IL18BP: variants seen among roughly 807,000 people sequenced by gnomAD.
IL18BP encodes the protein interleukin 18 binding protein.
A neutral mutation model predicts 19.9 loss-of-function variants in IL18BP; 23 were observed. The observed-to-expected ratio is 1.15, with a 90% CI of 0.83 to 1.64. IL18BP has a LOEUF of 1.64. Ranked by LOEUF, IL18BP falls within the 40% of genes most tolerant of loss-of-function variation. The probability of loss-of-function intolerance (pLI) is 0.00; values close to 1 mark genes in which losing one functional copy is unlikely to be tolerated. For missense variants in IL18BP, 239 were observed against 240.7 expected (o/e 0.99, Z 0.05); for synonymous variants, 107 against 101.0 (o/e 1.06, Z -0.35).
Position 72,002,479 on chromosome 11 carries a change from G to GTT in IL18BP, c.*619_*620insTT, listed in dbSNP as rs1027420996. ...GCAGCAGCTGCTTCGGATCCACACT[G>GTT]TATCTGTGTCATCCCCACATGGGTC... On this transcript the variant is annotated 3_prime_UTR_variant, in exon 6 of 6. Coordinates refer to ENST00000393703, the MANE Select transcript of IL18BP (RefSeq NM_001039660.2). The GTT allele has an allele frequency of 6.5e-6, 1 of 154,820 alleles. No homozygotes were observed. Among genetic ancestry groups the GTT allele is most frequent in the South Asian group, 2.0e-4 (1 of 5,016 alleles). The allele number at this position is 154,820 out of a possible 1,614,324, so 9.6% of individuals were successfully genotyped here. A position where few individuals can be genotyped will look rare whatever the true frequency, so the allele number is the denominator to read the frequency against.
chr11:72,004,092 C>T (rs201385605), downstream of IL18BP: 303 of 1,613,214 alleles, frequency 1.9e-4, 2 homozygotes, highest in Non-Finnish European at 1.4e-4. Flanking sequence ...CGACTGGCGC[C>T]GGTCAGCCTG....
chr11:72,003,488 T>A, downstream of IL18BP: 1 of 1,608,538 alleles, frequency 6.2e-7, no homozygotes, highest in African/African-American at 1.3e-5. Flanking sequence ...GAGGTCAGCA[T>A]CGGGGACACA....
In IL18BP at chr11:72,002,659, C is replaced by CGCTT. The variant is rs1294338653; in HGVS notation, c.*800_*803dup. The CGCTT allele has an allele frequency of 6.0e-6, 1 of 167,460 alleles. No individual in the cohort carries two copies. The highest frequency in any genetic ancestry group is 1.3e-5 in the Non-Finnish European group (1 of 76,816). The allele number at this position is 167,460 out of a possible 1,614,324, so 10.4% of individuals were successfully genotyped here. ...AACACCTGCTTCAGGGGAACACAGG[C>CGCTT]GCTTGAAAAAGAAAAGAGAGAACAG... On this transcript the variant is annotated 3_prime_UTR_variant, in exon 6 of 6. Transcript: ENST00000393703.
chr11:72,008,128 G>A (rs555518197), downstream of IL18BP: 22 of 479,356 alleles, frequency 4.6e-5, no homozygotes, highest in Non-Finnish European at 8.7e-5. Flanking sequence ...AGGTATAATT[G>A]TCATGAGTGC....
intron 2 of IL18BP, 145 bp downstream of exon 2, chr11:72,000,157 T>C: frequency 1.0e-6 from 1 of 957,366 alleles, no homozygotes; most frequent in Non-Finnish European, 1.6e-6. Flanking sequence ...GGGCAGATAT[T>C]GTAGCTCTGG....
chr11:72,003,444 G>T, downstream of IL18BP: 1 of 1,348,744 alleles, frequency 7.4e-7, no homozygotes, highest in Non-Finnish European at 1.1e-6. Context: ...GCTGAGAGAA[G>T]GCACTGAGAG....
chr11:72,001,450 G>A lies in IL18BP; in HGVS notation c.405G>A (p.Val135=). The part of the protein sequence containing the change: ...STGTQLCKAL[V]LEQLTPALHS... ...GTACGCAGCTGTGCAAGGCCTTGGT[G>A]CTGGAGCAGCTGACCCCTGCCCTGC... is the stretch of plus-strand genomic sequence containing the variant. The change falls in exon 5 of 6, where the codon GTG becomes GTA. Residue 135 remains valine, a synonymous_variant. Coordinates refer to ENST00000393703, the MANE Select transcript of IL18BP (RefSeq NM_001039660.2). 3 of 1,614,202 alleles carry A rather than the reference G, an allele frequency of 1.9e-6. No homozygotes were observed. Among genetic ancestry groups the A allele is most frequent in the Non-Finnish European group, 2.5e-6 (3 of 1,180,044 alleles).
intron 2 of IL18BP, 141 bp from the exon 3 acceptor site, chr11:72,000,209 TA>T: frequency 1.1e-6 from 1 of 877,732 alleles, no homozygotes; most frequent in Non-Finnish European, 1.8e-6. Flanking sequence ...AATAAAGGGC[TA>T]AGGGGTGGGT....
At chr11:71,999,710 AAGGG>A (rs764905325) in intron 1 of IL18BP, 78 of 467,560 alleles carry the variant, frequency 1.7e-4, no homozygotes, top group Middle Eastern at 5.4e-4. Context: ...TTCCCTAATG[AAGGG>A]GTAAGATTGG....
At chr11:72,007,460 T>C (rs372737120), downstream of IL18BP, 7 of 1,611,346 alleles carry the variant, frequency 4.3e-6, no homozygotes, top group African/African-American at 9.4e-5. Flanking sequence ...CCTGCTGAGG[T>C]ACAGTCCTTC....
downstream of IL18BP, chr11:72,004,004 CAG>C: frequency 6.2e-7 from 1 of 1,613,474 alleles, no homozygotes; most frequent in Non-Finnish European, 8.5e-7. Context: ...AAGCCTTGGA[CAG>C]GGCCTTCTTT....
chr11:72,000,079 G>T lies in IL18BP; in HGVS notation c.28+67G>T, dbSNP rs899786503. 6 of 1,557,312 alleles carry T rather than the reference G, an allele frequency of 3.9e-6. No individual in the cohort carries two copies. In the African/African-American group the frequency reaches 8.1e-5, roughly 21 times the overall value. On this transcript the variant is annotated intron_variant, in intron 2 of 5. Coordinates refer to ENST00000393703, the MANE Select transcript of IL18BP (RefSeq NM_001039660.2). ...GGTCTATGAACAGAATGGAGCAATGGGCTAACCCGGAGCCTTCACTCCAAG... is the reference window on the plus strand; with the variant it reads ...GGTCTATGAACAGAATGGAGCAATGTGCTAACCCGGAGCCTTCACTCCAAG...
intron 1 of IL18BP, 113 bp from the exon 2 acceptor site, chr11:71,999,814 G>T: frequency 1.6e-6 from 1 of 632,834 alleles, no homozygotes; most frequent in Non-Finnish European, 2.8e-6. Context: ...GTTTCTAAGT[G>T]CTGAAAGAGC....
intron 3 of IL18BP, 65 bp downstream of exon 3, chr11:72,000,622 T>C (rs754887451): frequency 1.5e-5 from 21 of 1,357,640 alleles, no homozygotes; most frequent in Non-Finnish European, 2.0e-5. Context: ...GGTTGACTCC[T>C]GAGCGCCAGT....
downstream of IL18BP, chr11:72,007,775 GC>G (rs553730436): frequency 5.2e-6 from 2 of 381,302 alleles, no homozygotes; most frequent in East Asian, 6.1e-5. Context: ...GAATAGGAAC[GC>G]CCCCCACTCA....
chr11:72,004,122 C>T (rs776933542), downstream of IL18BP: 10 of 1,612,506 alleles, frequency 6.2e-6, no homozygotes, highest in Admixed American at 1.7e-5. Flanking sequence ...GCTGTCAGAC[C>T]GGGAGACCCA....
chr11:72,001,722 G>A, intron 5 of IL18BP, 62 bp from the exon 6 acceptor site: 1 of 1,613,244 alleles, frequency 6.2e-7, no homozygotes, highest in Non-Finnish European at 8.5e-7. Context: ...GTAGCCTGGG[G>A]CAAAGTGATG....
downstream of IL18BP, chr11:72,005,560 C>G: frequency 1.7e-6 from 1 of 573,002 alleles, no homozygotes. Flanking sequence ...TGCTCACCAC[C>G]TTCTCCCTGG....
At chr11:72,007,664 A>T, downstream of IL18BP, 1 of 586,056 alleles carries the variant, frequency 1.7e-6, no homozygotes, top group Non-Finnish European at 3.0e-6. Flanking sequence ...GCCCAGACCC[A>T]GATGTCCCAT....
Sources: gnomAD v4.1 joint callset for allele counts on GRCh38, gnomAD v4.1.1 for gene constraint, MANE v1.5 for transcripts, NCBI Gene and HGNC (gene_info 2026-07-23, HGNC 2026-07-21) for gene names.